CLVS1: variants seen among roughly 807,000 people sequenced by gnomAD.
CLVS1 encodes clavesin 1.
CLVS1 carries 10 observed loss-of-function variants against 33.1 expected under a neutral mutation model. That is an observed-to-expected ratio of 0.30 (90% confidence interval 0.19 to 0.51). CLVS1 has a LOEUF of 0.51. CLVS1 is among the 20% of genes least tolerant of loss of function. The pLI is 0.97. For missense variants in CLVS1, 343 were observed against 433.4 expected, an observed-to-expected ratio of 0.79 and a Z score of 1.85; for synonymous variants, 163 against 166.1, an observed-to-expected ratio of 0.98 and a Z score of 0.14.
chr8:61,084,400 C>A (rs1000943623), intron 1 of CLVS1, among the ~76,000 whole-genome samples: 1 of 152,092 alleles, frequency 6.6e-6, no homozygotes, highest in Non-Finnish European at 1.5e-5. Flanking sequence ...CCTCCCCTCC[C>A]GTGTTGTCCT....
intron 1 of CLVS1, among the ~76,000 whole-genome samples, chr8:61,085,819 T>C (rs1585598732): frequency 6.6e-6 from 1 of 150,798 alleles, no homozygotes; most frequent in African/African-American, 2.4e-5. Flanking sequence ...GTCAGGAGAT[T>C]GAGACCATCC....
intron 3 of CLVS1, among the ~76,000 whole-genome samples, chr8:61,405,680 A>G (rs1410068494): frequency 6.6e-6 from 1 of 151,738 alleles, no homozygotes; most frequent in Non-Finnish European, 1.5e-5. Context: ...CTAATTTATC[A>G]ATACACTGAT....
intron 1 of CLVS1, among the ~76,000 whole-genome samples, chr8:61,093,362 T>A (rs1361026536): frequency 6.6e-6 from 1 of 152,176 alleles, no homozygotes; most frequent in Non-Finnish European, 1.5e-5. Context: ...TAATGCAGCC[T>A]CTATGGCTAT....
At chr8:61,082,115 T>G (rs1166200822) in intron 1 of CLVS1, among the ~76,000 whole-genome samples, 2 of 148,954 alleles carry the variant, frequency 1.3e-5, no homozygotes, top group Non-Finnish European at 3.0e-5. Flanking sequence ...ATGGAAACTC[T>G]AAGAATCAAA....
intron 2 of CLVS1, among the ~76,000 whole-genome samples, chr8:61,209,558 C>G (rs1355908745): frequency 2.0e-5 from 3 of 152,138 alleles, no homozygotes; most frequent in African/African-American, 7.2e-5. Flanking sequence ...GAAGAAGAGA[C>G]CAGTTTGACT....
chr8:61,205,463 C>A (rs1259462163), intron 2 of CLVS1, among the ~76,000 whole-genome samples: 1 of 152,136 alleles, frequency 6.6e-6, no homozygotes. Flanking sequence ...AATAAATACT[C>A]CTTTGTACAT....
chr8:61,334,118 TG>T (rs1278937196), intron 2 of CLVS1, among the ~76,000 whole-genome samples: 1 of 152,186 alleles, frequency 6.6e-6, no homozygotes, highest in Non-Finnish European at 1.5e-5. Context: ...ACATTTAGGT[TG>T]ATTTAGATTT....
At chr8:61,267,577 C>T (rs1488218073) in intron 2 of CLVS1, among the ~76,000 whole-genome samples, 2 of 152,238 alleles carry the variant, frequency 1.3e-5, no homozygotes, top group Middle Eastern at 3.4e-3. Context: ...GAAAGATAGA[C>T]CCATTCGTAT....
the CLVS1 span, among the ~76,000 whole-genome samples, chr8:61,011,001 C>G: frequency 3.9e-5 from 6 of 152,246 alleles, no homozygotes; most frequent in African/African-American, 1.4e-4. Flanking sequence ...TAAGAGTCCC[C>G]CGTATCTGTT....
chr8:61,063,338 G>A (rs1404048055), intron 1 of CLVS1, among the ~76,000 whole-genome samples: 3 of 151,436 alleles, frequency 2.0e-5, no homozygotes, highest in Admixed American at 6.6e-5. Context: ...GGGGGGTGAG[G>A]GGTGAAATGG....
At chr8:61,362,238 G>C (rs1813014269) in intron 2 of CLVS1, among the ~76,000 whole-genome samples, 1 of 152,192 alleles carries the variant, frequency 6.6e-6, no homozygotes, top group Admixed American at 6.5e-5. Flanking sequence ...ATTTGGCCAA[G>C]ACCTGAAAGA....
At chr8:60,970,473 G>A in the CLVS1 span, among the ~76,000 whole-genome samples, 1 of 152,230 alleles carries the variant, frequency 6.6e-6, no homozygotes, top group African/African-American at 2.4e-5. Context: ...AGAAAAGCGT[G>A]TGGGAGGTTA....
chr8:61,286,688 AT>A (rs1332089546), upstream of CLVS1, among the ~76,000 whole-genome samples: 1 of 152,254 alleles, frequency 6.6e-6, no homozygotes, highest in African/African-American at 2.4e-5. Context: ...AGTTGGAAGA[AT>A]TCTGATGACT....
chr8:61,431,300 T>A (rs899054032), intron 3 of CLVS1, among the ~76,000 whole-genome samples: 1 of 152,180 alleles, frequency 6.6e-6, no homozygotes, highest in Admixed American at 6.5e-5. Context: ...TTCAACAGAT[T>A]TCTTGTGTAA....
chr8:61,482,893 T>A (rs1014316713), intron 5 of CLVS1, among the ~76,000 whole-genome samples: 9 of 152,042 alleles, frequency 5.9e-5, no homozygotes, highest in African/African-American at 9.7e-5. Context: ...TTGAAACCAA[T>A]GAGAACAAAG....
At chr8:61,358,975 A>T (rs1455172029) in intron 2 of CLVS1, among the ~76,000 whole-genome samples, 2 of 152,162 alleles carry the variant, frequency 1.3e-5, no homozygotes, top group African/African-American at 2.4e-5. Context: ...GTATTATTAT[A>T]ATTTAAAGTT....
At chr8:61,352,174 T>C (rs1193662122) in intron 2 of CLVS1, among the ~76,000 whole-genome samples, 2 of 151,966 alleles carry the variant, frequency 1.3e-5, no homozygotes, top group African/African-American at 4.8e-5. Flanking sequence ...CTATACTTCA[T>C]TGGAAAAGGT....
chr8:61,414,012 A>C (rs1336601530), intron 3 of CLVS1, among the ~76,000 whole-genome samples: 4 of 152,262 alleles, frequency 2.6e-5, no homozygotes, highest in Non-Finnish European at 4.4e-5. Flanking sequence ...TTAATAAATT[A>C]GCCTGGAGGA....
Position 61,500,845 on chromosome 8 carries a change from G to GAGTT in CLVS1, c.*1305_*1308dup, listed in dbSNP as rs148048456. On this transcript the variant is annotated 3_prime_UTR_variant, in exon 6 of 6. Coordinates refer to ENST00000325897, the MANE Select transcript of CLVS1 (RefSeq NM_173519.3). ...TTTACATTATTTTAAATATTTGGGA[G>GAGTT]AGTTAATTTGTTAGCTAAATAATTC... 280 of 152,264 alleles carry GAGTT rather than the reference G, an allele frequency of 1.8e-3. 3 individuals carry two copies. The highest frequency in any genetic ancestry group is 6.8e-3 in the Middle Eastern group (2 of 294). The allele number at this position is 152,264 out of a possible 1,614,324, so 9.4% of individuals were successfully genotyped here. A position where few individuals can be genotyped will look rare whatever the true frequency, so the allele number is the denominator to read the frequency against.
Sources: gnomAD v4.1 joint callset for allele counts (sites outside exome capture counted in the v4.1 genomes callset) on GRCh38, gnomAD v4.1.1 for gene constraint, MANE v1.5 for transcripts, NCBI Gene and HGNC (gene_info 2026-07-23, HGNC 2026-07-21) for gene names.